The following SEPTIN1 variants were observed in gnomAD, a reference collection of about 807,000 sequenced individuals.
The protein encoded by SEPTIN1 is septin-1.
SEPTIN1 carries 52 observed loss-of-function variants against 50.7 expected under a neutral mutation model. That is an observed-to-expected ratio of 1.03 (90% CI 0.82 to 1.29). The LOEUF (loss-of-function observed/expected upper bound fraction) is 1.29, where lower values mean the gene tolerates loss of function less well. SEPTIN1 is among the 50% of genes most tolerant of loss of function. SEPTIN1 has a pLI of 0.00. For synonymous variants in SEPTIN1, 204 were observed against 189.1 expected, an observed-to-expected ratio of 1.08 and a Z score of -0.65; for missense variants, 455 against 490.7, an observed-to-expected ratio of 0.93 and a Z score of 0.69.
chr16:30,381,483 G>A lies in SEPTIN1; in HGVS notation c.321-10C>T. 6.2e-7 allele frequency: 1 copy of A among 1,613,954 alleles called. No homozygotes were observed. Among genetic ancestry groups the A allele is most frequent in the African/African-American group, 1.3e-5 (1 of 75,008 alleles). ...CACCACCGGAAGCCAGCTGGGTGTG[G>A]GGAGAGGATGTGAGGTCAGAGATCA... On this transcript the variant is annotated splice_polypyrimidine_tract_variant and intron_variant, in intron 4 of 10. Coordinates refer to ENST00000321367, the MANE Select transcript of SEPTIN1 (RefSeq NM_001365977.2). The surrounding 1 kb of genome is among the most constrained non-coding windows in gnomAD (Gnocchi z 4.3).
In SEPTIN1 at chr16:30,378,630, T is replaced by A. The variant is rs2049786847; in HGVS notation, c.1012A>T (p.Ile338Phe). 1 of 1,610,916 alleles carries A rather than the reference T, an allele frequency of 6.2e-7. No individual in the cohort carries two copies. The highest frequency in any genetic ancestry group is 8.5e-7 in the Non-Finnish European group (1 of 1,179,912). ...CTCACCTCTTCGTCTTTCTCGCGGA[T>A]CAGCTTCTCGGTGTCCGCCAGAGGC... Reference protein sequence around the residue: ...MLPLADTEKLIREKDEELRRM... With the variant: ...MLPLADTEKLFREKDEELRRM... The change falls in exon 10 of 11, where the codon ATC (isoleucine) becomes TTC (phenylalanine). Residue 338 changes from isoleucine (I) to phenylalanine (F), a missense_variant. Coordinates refer to ENST00000321367, the MANE Select transcript of SEPTIN1 (RefSeq NM_001365977.2).
In SEPTIN1 at chr16:30,380,778, AAG is replaced by A. The variant is rs542542133; in HGVS notation, c.573+347_573+348del. The A allele has an allele frequency of 1.1e-5, 3 of 268,990 alleles. No homozygotes were observed. The South Asian group carries it at 1.3e-4, about 11-fold the overall frequency. 16.7% of individuals were successfully genotyped at this position (268,990 alleles called of 1,614,324 possible). A position where few individuals can be genotyped will look rare whatever the true frequency, so the allele number is the denominator to read the frequency against. On this transcript the variant is annotated intron_variant, in intron 6 of 10. Transcript: ENST00000321367. ...GAGTGAGACTCTATCTAAAAAAAAA[AAG>A]AGAGAGAAAGAGAGGCCGAGAGAGA...
At position 30,380,113 on chromosome 16, in the gene SEPTIN1, G is replaced by C. The variant is rs1473577631; in HGVS notation, c.574-80C>G. On this transcript the variant is annotated intron_variant, in intron 6 of 10. Transcript: ENST00000321367. ...TCATGACCAGAGACAGTGAGACACA[G>C]AGATACTGGGTGGTCAGAGACAGAG... 14 of 1,162,826 alleles carry C rather than the reference G, an allele frequency of 1.2e-5. No homozygotes were observed. The East Asian group carries it at 3.5e-4, about 29-fold the overall frequency. The allele number at this position is 1,162,826 out of a possible 1,614,324, so 72.0% of individuals were successfully genotyped here.
Position 30,378,301 on chromosome 16 carries a change from A to G in SEPTIN1, c.*133T>C. 1.1e-6 allele frequency: 1 copy of G among 879,156 alleles called. No individual in the cohort carries two copies. The highest frequency in any genetic ancestry group is 1.7e-6 in the Non-Finnish European group (1 of 586,340). The allele number at this position is 879,156 out of a possible 1,614,324, so 54.5% of individuals were successfully genotyped here. On this transcript the variant is annotated 3_prime_UTR_variant, in exon 11 of 11. Transcript: ENST00000321367. ...GGCGGGGCTACGGACTCAGGCTGGGAGAACCTCCCCCTAGCCCGCGCGAGG... is the reference window on the plus strand; with the variant it reads ...GGCGGGGCTACGGACTCAGGCTGGGGGAACCTCCCCCTAGCCCGCGCGAGG...
At position 30,381,846 on chromosome 16, in the gene SEPTIN1, G is replaced by A. The variant is rs372115687; in HGVS notation, c.234C>T (p.Gly78=). The A allele has an allele frequency of 1.5e-5, 25 of 1,614,016 alleles. No homozygotes were observed. In the African/African-American group the frequency reaches 1.9e-4, roughly 12 times the overall value. ...LTQTLAIERR[G]VEIEEGGVKV... is the part of the protein sequence containing the mutation. Reference sequence around the variant, plus strand: ...TCACACCCCCTTCCTCAATCTCTACGCCCCGGCGCTCAATGGCCAGGGTCT... The same window carrying A: ...TCACACCCCCTTCCTCAATCTCTACACCCCGGCGCTCAATGGCCAGGGTCT... Residue 78 remains glycine (G), a synonymous_variant, in exon 4 of 11, where the codon GGC becomes GGT. Coordinates refer to ENST00000321367, the MANE Select transcript of SEPTIN1 (RefSeq NM_001365977.2). The surrounding 1 kb of genome is among the most constrained non-coding windows in gnomAD (Gnocchi z 4.3).
Position 30,382,410 on chromosome 16 carries a change from C to A in SEPTIN1, c.19-45G>T. 6.4e-7 allele frequency: 1 copy of A among 1,570,274 alleles called. No homozygotes were observed. The highest frequency in any genetic ancestry group is 8.7e-7 in the Non-Finnish European group (1 of 1,148,324). On this transcript the variant is annotated intron_variant, in intron 1 of 10. Coordinates refer to ENST00000321367, the MANE Select transcript of SEPTIN1 (RefSeq NM_001365977.2). The surrounding 1 kb of genome is among the most constrained non-coding windows in gnomAD (Gnocchi z 4.8). ...ATATGAGGCTGCTGGCAATGGCAGG[C>A]AGGGTCCCCAGGATCACTTGAGTTC... is the stretch of plus-strand genomic sequence containing the variant.
intron 8 of SEPTIN1, 75 bp from the exon 9 acceptor site, chr16:30,379,258 C>T: frequency 6.4e-7 from 1 of 1,569,580 alleles, no homozygotes; most frequent in East Asian, 2.2e-5. Flanking sequence ...GTCGGGTCTA[C>T]AGGAAAGTCC....
At chr16:30,380,724 C>A in intron 6 of SEPTIN1, 1 of 201,582 alleles carries the variant, frequency 5.0e-6, no homozygotes, top group Non-Finnish European at 1.0e-5. Flanking sequence ...GAGCTCTGAT[C>A]TTGCCACTGT....
Position 30,378,181 on chromosome 16 carries a change from G to A in SEPTIN1, c.*253C>T, listed in dbSNP as rs1009217090. 4 of 704,438 alleles carry A rather than the reference G, an allele frequency of 5.7e-6. No homozygotes were observed. Among genetic ancestry groups the A allele is most frequent in the Non-Finnish European group, 1.0e-5 (4 of 391,490 alleles). 43.6% of individuals were successfully genotyped at this position (704,438 alleles called of 1,614,324 possible). A position where few individuals can be genotyped will look rare whatever the true frequency, so the allele number is the denominator to read the frequency against. On this transcript the variant is annotated 3_prime_UTR_variant, in exon 11 of 11. Coordinates refer to ENST00000321367, the MANE Select transcript of SEPTIN1 (RefSeq NM_001365977.2). ...TTATTGAAGACAGAGTCTGGGAGAA[G>A]AAGGGGGACTCCGGAAGACAGTGAT...
In SEPTIN1 at chr16:30,382,124, G is replaced by A. The variant is rs1004905365; in HGVS notation, c.165C>T (p.Leu55=). Residue 55 remains leucine, a synonymous_variant, in exon 3 of 11, where the codon CTC becomes CTT. Coordinates refer to ENST00000321367, the MANE Select transcript of SEPTIN1 (RefSeq NM_001365977.2). The surrounding 1 kb of genome is among the most constrained non-coding windows in gnomAD (Gnocchi z 4.8). The part of the protein sequence containing the change: ...TLINSLFLTN[L]YEDRQVPEAS... ...CCTCTGGCACCTGGCGATCCTCATA[G>A]AGGTTGGTGAGGAAGAGGCTGTTGA... is the stretch of plus-strand genomic sequence containing the variant. The A allele has an allele frequency of 1.3e-6, 2 of 1,588,084 alleles. No individual in the cohort carries two copies. The highest frequency in any genetic ancestry group is 1.3e-5 in the African/African-American group (1 of 74,204).
At position 30,382,474 on chromosome 16, in the gene SEPTIN1, G is replaced by A; in HGVS notation, c.18+51C>T. On this transcript the variant is annotated intron_variant, in intron 1 of 10. Transcript: ENST00000321367. The surrounding 1 kb of genome is among the most constrained non-coding windows in gnomAD (Gnocchi z 4.8). ...AGTCAGTGGGGTCTGGGGACCCCAG[G>A]CATGGGGGCTGGGGGCCGAGATGCC... 1 of 1,575,026 alleles carries A rather than the reference G, an allele frequency of 6.3e-7. No individual in the cohort carries two copies. Among genetic ancestry groups the A allele is most frequent in the Non-Finnish European group, 8.7e-7 (1 of 1,149,766 alleles).
At position 30,379,124 on chromosome 16, in the gene SEPTIN1, G is replaced by A; in HGVS notation, c.835C>T (p.Leu279=). ...NLRRMLVQTH[L]QDLKEVTHDL... ...TGCGTCACCTCTTTCAGGTCCTGCA[G>A]GTGTGTCTGCACCAGCATCCGTCGC... Residue 279 remains leucine (L), a synonymous_variant, in exon 9 of 11, where the codon CTG becomes TTG. Coordinates refer to ENST00000321367, the MANE Select transcript of SEPTIN1 (RefSeq NM_001365977.2). The A allele has an allele frequency of 1.2e-6, 2 of 1,614,182 alleles. No homozygotes were observed. Among genetic ancestry groups the A allele is most frequent in the East Asian group, 2.2e-5 (1 of 44,880 alleles).
chr16:30,380,237 A>G (rs749731728), intron 6 of SEPTIN1: 20 of 378,362 alleles, frequency 5.3e-5, no homozygotes, highest in Non-Finnish European at 8.7e-5. Flanking sequence ...AGATTCTAAG[A>G]TGGGGCAGAC....
In SEPTIN1 at chr16:30,378,641, G is replaced by A. The variant is rs767169336; in HGVS notation, c.1001C>T (p.Thr334Ile). 6.2e-7 allele frequency: 1 copy of A among 1,610,770 alleles called. No individual in the cohort carries two copies. Among genetic ancestry groups the A allele is most frequent in the South Asian group, 1.1e-5 (1 of 91,064 alleles). ...IPLPMLPLAD[T>I]EKLIREKDEE... ...GTCTTTCTCGCGGATCAGCTTCTCG[G>A]TGTCCGCCAGAGGCAGCATGGGCAG... is the stretch of plus-strand genomic sequence containing the variant. Residue 334 changes from threonine to isoleucine, a missense_variant, in exon 10 of 11, where the codon ACC (threonine) becomes ATC (isoleucine). Thr to Ile is a moderately conservative substitution (Grantham distance 89, BLOSUM62 -1). Coordinates refer to ENST00000321367, the MANE Select transcript of SEPTIN1 (RefSeq NM_001365977.2).
At position 30,381,881 on chromosome 16, in the gene SEPTIN1, G is replaced by T; in HGVS notation, c.199C>A (p.Arg67Ser). ...EDRQVPEASA[R>S]LTQTLAIERR... is the part of the protein sequence containing the mutation. The stretch of plus-strand genomic sequence containing the variant: ...TCAATGGCCAGGGTCTGTGTCAAGC[G>T]AGCTGTGGGATGGGGGAGAGGTCAG... Residue 67 changes from arginine to serine, a missense_variant and splice_region_variant, in exon 4 of 11, where the codon CGC (arginine) becomes AGC (serine). Physicochemically the swap from Arg to Ser is moderately radical, Grantham distance 110. Coordinates refer to ENST00000321367, the MANE Select transcript of SEPTIN1 (RefSeq NM_001365977.2). The surrounding 1 kb of genome is among the most constrained non-coding windows in gnomAD (Gnocchi z 4.3). 3 of 1,614,080 alleles carry T rather than the reference G, an allele frequency of 1.9e-6. No homozygotes were observed. The highest frequency in any genetic ancestry group is 2.5e-6 in the Non-Finnish European group (3 of 1,179,996).
intron 7 of SEPTIN1, 104 bp from the exon 8 acceptor site, chr16:30,379,638 C>A: frequency 3.4e-6 from 1 of 295,692 alleles, no homozygotes; most frequent in Non-Finnish European, 5.7e-6. Context: ...CTGCCCCTTC[C>A]TCTTTTTTTT....
In SEPTIN1 at chr16:30,379,047, C is replaced by T; in HGVS notation, c.912G>A (p.Arg304=). Residue 304 remains arginine (R), a synonymous_variant, in exon 9 of 11, where the codon CGG becomes CGA. Coordinates refer to ENST00000321367, the MANE Select transcript of SEPTIN1 (RefSeq NM_001365977.2). ...YRARCLQSLA[R]PGARDRASRS... is the part of the protein sequence containing the mutation. ...GGCTGGCTCGATCGCGAGCCCCAGG[C>T]CGGGCCAGGCTCTGTAGGCAGCGGG... is the stretch of plus-strand genomic sequence containing the variant. 6.2e-7 allele frequency: 1 copy of T among 1,613,656 alleles called. No individual in the cohort carries two copies. The highest frequency in any genetic ancestry group is 1.1e-5 in the South Asian group (1 of 91,082).
intron 6 of SEPTIN1, chr16:30,380,733 G>A (rs1567424751): frequency 8.3e-6 from 2 of 240,580 alleles, no homozygotes; most frequent in Non-Finnish European, 8.3e-6. Context: ...TCTTGCCACT[G>A]TACTGCAGCC....
rs754556921 is a variant in SEPTIN1 at position 30,378,457 on chromosome 16, C to G, written c.1096G>C (p.Gly366Arg). Reference sequence around the variant, plus strand: ...CCTCAGAGGGCGTCTGACTGCTCGCCCTGGGCCTGGCTCTGCTGCATTTGG... The same window carrying G: ...CCTCAGAGGGCGTCTGACTGCTCGCGCTGGGCCTGGCTCTGCTGCATTTGG... ...QAQMQQSQAQ[G>R]EQSDAL Residue 366 changes from glycine to arginine, a missense_variant, in exon 11 of 11, where the codon GGC (glycine) becomes CGC (arginine). By Grantham distance (125) the Gly-to-Arg change is moderately radical (BLOSUM62 -2). Coordinates refer to ENST00000321367, the MANE Select transcript of SEPTIN1 (RefSeq NM_001365977.2). 3.8e-6 allele frequency: 6 copies of G among 1,574,892 alleles called. No individual in the cohort carries two copies. In the African/African-American group the frequency reaches 8.2e-5, roughly 22 times the overall value.
Sources: gnomAD v4.1 joint callset for allele counts on GRCh38, gnomAD v4.1.1 for gene constraint, Gnocchi (gnomAD v3.1) non-coding constraint, MANE v1.5 for transcripts, NCBI Gene and HGNC (gene_info 2026-07-23, HGNC 2026-07-21) for gene names.